The following GPR137C variants were observed in gnomAD, a reference collection of about 807,000 sequenced individuals.
GPR137C encodes the protein G protein-coupled receptor 137C, also known as integral membrane protein GPR137C.
In GPR137C, 27 loss-of-function variants were observed where a neutral mutation model predicts 43.4. The observed-to-expected ratio is 0.62, with a 90% CI of 0.46 to 0.86. GPR137C has a LOEUF of 0.86. Among genes scored for constraint, GPR137C ranks in the 40% least tolerant of loss-of-function variants. The pLI, the probability that GPR137C is intolerant of heterozygous loss-of-function variation, is 0.00. For synonymous variants in GPR137C, 285 were observed against 226.9 expected, an observed-to-expected ratio of 1.26 and a Z score of -2.30; for missense variants, 522 against 534.6, an observed-to-expected ratio of 0.98 and a Z score of 0.23.
rs150172071 is a variant in GPR137C at position 52,577,639 on chromosome 14, A to G, written c.445-20633A>G. ...ATTCAAATAAGAACAATCAGAAACT[A>G]TAAAGATCTGATTTTATCTTTAAAA... On this transcript the variant is annotated intron_variant, in intron 1 of 6. Coordinates refer to ENST00000321662, the MANE Select transcript of GPR137C (RefSeq NM_001099652.2). 5.3e-3 allele frequency among the ~76,000 whole-genome samples: 814 copies of G among 152,158 alleles called. 6 individuals carry two copies. Among genetic ancestry groups the G allele is most frequent in the Non-Finnish European group, 8.2e-3 (556 of 67,994 alleles).
chr14:52,575,764 T>A (rs2038540890), intron 1 of GPR137C, among the ~76,000 whole-genome samples: 1 of 152,238 alleles, frequency 6.6e-6, no homozygotes, highest in African/African-American at 2.4e-5. Flanking sequence ...GGGTTGATCC[T>A]ATTCAATTTC....
chr14:52,567,152 A>G (rs917219710), intron 1 of GPR137C, among the ~76,000 whole-genome samples: 3 of 152,156 alleles, frequency 2.0e-5, no homozygotes, highest in Admixed American at 2.0e-4. Flanking sequence ...GGTATTAGGT[A>G]GTTAAGAACT....
At chr14:52,559,477 A>G (rs185839643) in intron 1 of GPR137C, among the ~76,000 whole-genome samples, 4 of 152,318 alleles carry the variant, frequency 2.6e-5, no homozygotes, top group Admixed American at 2.0e-4. Context: ...AGATGCAGAA[A>G]GAAGAATTTG....
intron 1 of GPR137C, among the ~76,000 whole-genome samples, chr14:52,571,246 TAAC>T (rs1331284696): frequency 6.6e-6 from 1 of 151,978 alleles, no homozygotes; most frequent in African/African-American, 2.4e-5. Flanking sequence ...ACTGGGTAAA[TAAC>T]AAAATGAAGG....
At chr14:52,605,107 T>A (rs147244929) in intron 3 of GPR137C, among the ~76,000 whole-genome samples, 1 of 151,924 alleles carries the variant, frequency 6.6e-6, no homozygotes, top group East Asian at 1.9e-4. Flanking sequence ...TAATTGCTAT[T>A]TTGACAGATA....
In GPR137C at chr14:52,553,186, C is replaced by T; in HGVS notation, c.39C>T (p.Ala13=). ...TGCCGGGTCCGGCGGCCGCTGCCGC[C>T]CCCGCAGCCGGCCGCGAGCCCTCCA... ...VSVPGPAAAA[A]PAAGREPSTP... Residue 13 remains alanine (A), a synonymous_variant, in exon 1 of 7, where the codon GCC becomes GCT. Coordinates refer to ENST00000321662, the MANE Select transcript of GPR137C (RefSeq NM_001099652.2). 8.3e-7 allele frequency: 1 copy of T among 1,202,180 alleles called. No homozygotes were observed. Among genetic ancestry groups the T allele is most frequent in the Non-Finnish European group, 1.0e-6 (1 of 970,206 alleles). 74.5% of individuals were successfully genotyped at this position (1,202,180 alleles called of 1,614,324 possible). A position where few individuals can be genotyped will look rare whatever the true frequency, so the allele number is the denominator to read the frequency against.
chr14:52,597,194 T>C (rs2038867231), intron 1 of GPR137C, among the ~76,000 whole-genome samples: 1 of 152,186 alleles, frequency 6.6e-6, no homozygotes, highest in Non-Finnish European at 1.5e-5. Flanking sequence ...TCATACCCTT[T>C]CTTGGAGTGA....
chr14:52,591,148 A>G (rs899939167), intron 1 of GPR137C, among the ~76,000 whole-genome samples: 1 of 152,184 alleles, frequency 6.6e-6, no homozygotes, highest in Non-Finnish European at 1.5e-5. Flanking sequence ...ATGTCCCTGC[A>G]AAGGACAGGA....
chr14:52,587,774 A>C (rs550502438), intron 1 of GPR137C, among the ~76,000 whole-genome samples: 1 of 152,306 alleles, frequency 6.6e-6, no homozygotes, highest in Non-Finnish European at 1.5e-5. Context: ...CTTCAATAAA[A>C]AGTAAAATGA....
chr14:52,609,432 A>G (rs191819461), intron 3 of GPR137C, among the ~76,000 whole-genome samples: 1 of 152,348 alleles, frequency 6.6e-6, no homozygotes, highest in African/African-American at 2.4e-5. Flanking sequence ...CCATTTGATG[A>G]GGTCATATTT....
At chr14:52,632,528 C>CTT (rs1566628203) in intron 4 of GPR137C, among the ~76,000 whole-genome samples, 2 of 151,948 alleles carry the variant, frequency 1.3e-5, no homozygotes, top group African/African-American at 4.8e-5. Context: ...TTTTCTCTCT[C>CTT]TTTTTTGGTA....
intron 1 of GPR137C, among the ~76,000 whole-genome samples, chr14:52,571,373 A>G (rs1359676621): frequency 6.6e-6 from 1 of 152,240 alleles, no homozygotes; most frequent in Non-Finnish European, 1.5e-5. Flanking sequence ...AAATGCCCAC[A>G]GGAGAAAGCA....
chr14:52,574,377 A>T (rs2038518712), intron 1 of GPR137C, among the ~76,000 whole-genome samples: 1 of 152,242 alleles, frequency 6.6e-6, no homozygotes, highest in South Asian at 2.1e-4. Flanking sequence ...ACCATGAAAT[A>T]CTATGCAGCC....
intron 1 of GPR137C, among the ~76,000 whole-genome samples, chr14:52,571,751 A>G (rs2038473358): frequency 6.6e-6 from 1 of 152,230 alleles, no homozygotes; most frequent in Non-Finnish European, 1.5e-5. Flanking sequence ...AACTAAGATC[A>G]GAGCAGAACT....
chr14:52,611,420 TA>T, intron 3 of GPR137C: 1 of 176,786 alleles, frequency 5.7e-6, no homozygotes, highest in Non-Finnish European at 1.1e-5. Flanking sequence ...TTAATTACTT[TA>T]TATTGCTACA....
rs2039199281 is a variant in GPR137C, at chr14:52,624,588, G to C, written c.718-7572G>C. 3.3e-5 allele frequency among the ~76,000 whole-genome samples: 5 copies of C among 151,838 alleles called. No individual in the cohort carries two copies. In the South Asian group the frequency reaches 1.0e-3, roughly 32 times the overall value. On this transcript the variant is annotated intron_variant, in intron 3 of 6. Transcript: ENST00000321662. ...AAAATACAAAAATTAGCCGGGTGTG[G>C]TGGTATGCACCTGTAGTCCCAGCTG... is the stretch of plus-strand genomic sequence containing the variant.
chr14:52,573,667 A>C (rs1013493135), intron 1 of GPR137C, among the ~76,000 whole-genome samples: 2 of 152,190 alleles, frequency 1.3e-5, no homozygotes, highest in Non-Finnish European at 2.9e-5. Flanking sequence ...GGATGGGCAA[A>C]GACTTTATGA....
chr14:52,616,283 T>TTTTGTTTGTTTG (rs147673852), intron 3 of GPR137C, among the ~76,000 whole-genome samples: 4 of 151,710 alleles, frequency 2.6e-5, no homozygotes, highest in Admixed American at 6.6e-5. Flanking sequence ...ATGTTCTCTT[T>TTTTGTTTGTTTG]TTTGTTTGTT....
chr14:52,588,064 C>G (rs781410194), intron 1 of GPR137C, among the ~76,000 whole-genome samples: 1 of 152,298 alleles, frequency 6.6e-6, no homozygotes, highest in East Asian at 1.9e-4. Flanking sequence ...ATGTGATACT[C>G]TTTAAATACA....
Sources: gnomAD v4.1 joint callset for allele counts (sites outside exome capture counted in the v4.1 genomes callset) on GRCh38, gnomAD v4.1.1 for gene constraint, MANE v1.5 for transcripts, NCBI Gene and HGNC (gene_info 2026-07-23, HGNC 2026-07-21) for gene names.